Variants in MYO3B observed in about 807,000 individuals in gnomAD.
MYO3B encodes myosin-IIIb.
Under a neutral mutation model 174.6 loss-of-function variants are expected in MYO3B, and 156 were observed. The observed-to-expected ratio is 0.89, with a 90% CI of 0.78 to 1.02. MYO3B has a LOEUF of 1.02. Among genes scored for constraint, MYO3B ranks in the 50% least tolerant of loss-of-function variants. MYO3B has a pLI of 0.00. For synonymous variants in MYO3B, 563 were observed against 569.1 expected (o/e 0.99, Z 0.15); for missense variants, 1,632 against 1,639.4 (o/e 1.00, Z 0.08).
At chr2:170,610,269 G>A (rs548400963) in intron 32 of MYO3B, among the ~76,000 whole-genome samples, 24 of 8,548 alleles carry the variant, frequency 2.8e-3, no homozygotes, top group Admixed American at 0.015. Context: ...GAACCCCGGA[G>A]GGTGGAGCTT....
Position 170,499,726 on chromosome 2 carries a change from A to T in MYO3B, c.3207A>T (p.Ala1069=), listed in dbSNP as rs761641291. The change falls in exon 27 of 35, where the codon GCA becomes GCT. Residue 1069 remains alanine, a synonymous_variant. Coordinates refer to ENST00000408978, the MANE Select transcript of MYO3B (RefSeq NM_138995.5). ...EVIGRVVVLQ[A]YTKGWLGARR... ...TAGGCAGAGTGGTTGTGCTGCAGGCATATACCAAGGGGTGGCTTGGAGCCA... is the reference window on the plus strand; with the variant it reads ...TAGGCAGAGTGGTTGTGCTGCAGGCTTATACCAAGGGGTGGCTTGGAGCCA... The T allele has an allele frequency of 1.9e-5, 30 of 1,614,042 alleles. No individual in the cohort carries two copies. The highest frequency in any genetic ancestry group is 4.0e-5 in the African/African-American group (3 of 74,930).
intron 32 of MYO3B, among the ~76,000 whole-genome samples, chr2:170,583,052 C>A (rs956771166): frequency 3.3e-5 from 5 of 151,774 alleles, no homozygotes; most frequent in African/African-American, 1.2e-4. Context: ...AGTCTACCCG[C>A]CCCACCGCCT....
chr2:170,415,330 G>A (rs1172307293), intron 22 of MYO3B, among the ~76,000 whole-genome samples: 1 of 151,922 alleles, frequency 6.6e-6, no homozygotes, highest in Non-Finnish European at 1.5e-5. Context: ...TACCTTTTCT[G>A]GCTATCCTAT....
chr2:170,503,317 CAG>C (rs1687401132), intron 28 of MYO3B, among the ~76,000 whole-genome samples: 1 of 152,202 alleles, frequency 6.6e-6, no homozygotes, highest in Admixed American at 6.5e-5. Context: ...TGCTGTAAAA[CAG>C]AAATGGGTCT....
chr2:170,466,265 T>G (rs1035152035), intron 24 of MYO3B, among the ~76,000 whole-genome samples: 8 of 152,206 alleles, frequency 5.3e-5, no homozygotes, highest in African/African-American at 1.9e-4. Flanking sequence ...GAGCATGTTC[T>G]TAGCTAAGTT....
chr2:170,380,684 G>T (rs1410680057), intron 9 of MYO3B, among the ~76,000 whole-genome samples: 3 of 152,172 alleles, frequency 2.0e-5, no homozygotes, highest in African/African-American at 7.2e-5. Context: ...TATCAAACAA[G>T]ATTTTTAAAT....
At chr2:170,292,621 C>A (rs1331040914) in intron 7 of MYO3B, among the ~76,000 whole-genome samples, 3 of 152,072 alleles carry the variant, frequency 2.0e-5, no homozygotes, top group Non-Finnish European at 4.4e-5. Context: ...CTAGGTGGTA[C>A]CTTAAGCCCA....
chr2:170,420,113 G>A (rs776910820), intron 22 of MYO3B, among the ~76,000 whole-genome samples: 24 of 152,062 alleles, frequency 1.6e-4, no homozygotes, highest in Non-Finnish European at 2.4e-4. Context: ...AACAGGACCC[G>A]GGATGCGGAG....
At chr2:170,529,587 C>T (rs527330486) in intron 30 of MYO3B, among the ~76,000 whole-genome samples, 3 of 152,278 alleles carry the variant, frequency 2.0e-5, no homozygotes, top group Non-Finnish European at 4.4e-5. Context: ...TCCCTCATCC[C>T]CTTCCTGCAT....
intron 1 of MYO3B, among the ~76,000 whole-genome samples, chr2:170,193,526 A>G (rs1347887758): frequency 6.6e-6 from 1 of 151,990 alleles, no homozygotes; most frequent in Non-Finnish European, 1.5e-5. Context: ...TACAACAGAT[A>G]TTTACCTCTG....
At chr2:170,370,658 C>T (rs2094235375) in intron 9 of MYO3B, among the ~76,000 whole-genome samples, 1 of 149,450 alleles carries the variant, frequency 6.7e-6, no homozygotes, top group Middle Eastern at 3.2e-3. Flanking sequence ...CACACACACA[C>T]ACACACACAC....
At chr2:170,551,343 A>ATTTTATTTT (rs1553520381) in intron 32 of MYO3B, among the ~76,000 whole-genome samples, 20 of 10,926 alleles carry the variant, frequency 1.8e-3, no homozygotes, top group African/African-American at 8.1e-3. Context: ...AATTTAATTT[A>ATTTTATTTT]ATTTAATTAT....
At chr2:170,210,662 A>G (rs1470826047) in intron 3 of MYO3B, among the ~76,000 whole-genome samples, 1 of 152,252 alleles carries the variant, frequency 6.6e-6, no homozygotes, top group African/African-American at 2.4e-5. Context: ...ACCTTAAAAC[A>G]TTTAGCAAAC....
chr2:170,554,980 G>T (rs992893769), intron 32 of MYO3B, among the ~76,000 whole-genome samples: 1 of 152,280 alleles, frequency 6.6e-6, no homozygotes, highest in Non-Finnish European at 1.5e-5. Flanking sequence ...TCATTTTAAA[G>T]GATTCTTTCA....
chr2:170,217,358 A>C lies in MYO3B; in HGVS notation c.566A>C (p.Asn189Thr). The change falls in exon 6 of 35, where the codon AAC (asparagine) becomes ACC (threonine). Residue 189 changes from asparagine to threonine, a missense_variant. Coordinates refer to ENST00000408978, the MANE Select transcript of MYO3B (RefSeq NM_138995.5). ...AQLTSTRLRRNTSVGTPFWMA... is the reference protein window; with the variant it reads ...AQLTSTRLRRTTSVGTPFWMA... ...CTCACCAGTACACGTCTGCGGAGAA[A>C]CACATCTGTTGGCACCCCGTTCTGG... The C allele has an allele frequency of 6.2e-7, 1 of 1,614,134 alleles. No individual in the cohort carries two copies. Among genetic ancestry groups the C allele is most frequent in the Non-Finnish European group, 8.5e-7 (1 of 1,179,962 alleles).
intron 6 of MYO3B, among the ~76,000 whole-genome samples, chr2:170,235,306 A>G (rs1459197560): frequency 7.2e-5 from 11 of 152,222 alleles, no homozygotes; most frequent in African/African-American, 1.2e-4. Flanking sequence ...GCCTGACTCA[A>G]AAAGTTGATA....
chr2:170,244,558 A>C (rs1417732293), intron 7 of MYO3B, among the ~76,000 whole-genome samples: 7 of 152,218 alleles, frequency 4.6e-5, no homozygotes, highest in Admixed American at 1.3e-4. Context: ...GAACAGAAAC[A>C]GTATTAGAGG....
intron 22 of MYO3B, among the ~76,000 whole-genome samples, chr2:170,432,691 G>A (rs765287588): frequency 2.0e-5 from 3 of 151,522 alleles, no homozygotes; most frequent in African/African-American, 4.8e-5. Flanking sequence ...ATTCTCCTGC[G>A]TCAGCCTCCC....
At chr2:170,401,896 G>A (rs2094479884) in intron 18 of MYO3B, among the ~76,000 whole-genome samples, 1 of 149,394 alleles carries the variant, frequency 6.7e-6, no homozygotes, top group Admixed American at 6.8e-5. Context: ...TCCAACTCCA[G>A]GGTTCAAGTG....
Sources: allele counts gnomAD v4.1 joint callset (sites outside exome capture counted in the v4.1 genomes callset), GRCh38; gene constraint gnomAD v4.1.1; transcripts MANE v1.5; gene names NCBI Gene and HGNC (gene_info 2026-07-23, HGNC 2026-07-21).